Variants in TRMT9B observed in about 807,000 individuals in gnomAD.
The protein encoded by TRMT9B is probable tRNA methyltransferase 9B.
A neutral mutation model predicts 11.5 loss-of-function variants in TRMT9B; 16 were observed. The observed-to-expected ratio is 1.39, with a 90% CI of 0.94 to 2.11. The LOEUF is 2.11. TRMT9B is among the 30% of genes most tolerant of loss of function. The pLI is 0.00. For synonymous variants in TRMT9B, 274 were observed against 192.4 expected, an observed-to-expected ratio of 1.42 and a Z score of -3.51; for missense variants, 941 against 553.8, an observed-to-expected ratio of 1.70 and a Z score of -7.02.
intron 4 of TRMT9B, among the ~76,000 whole-genome samples, chr8:13,013,418 A>AACC (rs1812027502): frequency 6.6e-6 from 1 of 152,102 alleles, no homozygotes; most frequent in African/African-American, 2.4e-5. Context: ...GAGTCTAGGG[A>AACC]ATGTGTTTCT....
chr8:13,010,517 T>C lies in TRMT9B; in HGVS notation c.155-2167T>C, dbSNP rs532574422. On this transcript the variant is annotated intron_variant, in intron 3 of 4. Transcript: ENST00000524591. ...TTAAAAAATATTTAAAATTCTTTTA[T>C]TGTTCACATTCAAGATTTAAACATG... 6.7e-5 allele frequency: 66 copies of C among 983,668 alleles called. No homozygotes were observed. The South Asian group carries it at 2.6e-3, about 39-fold the overall frequency. 60.9% of individuals were successfully genotyped at this position (983,668 alleles called of 1,614,324 possible). A position where few individuals can be genotyped will look rare whatever the true frequency, so the allele number is the denominator to read the frequency against.
intron 1 of TRMT9B, among the ~76,000 whole-genome samples, chr8:12,967,294 C>A (rs1320212095): frequency 1.3e-5 from 2 of 152,172 alleles, no homozygotes; most frequent in Non-Finnish European, 2.9e-5. Flanking sequence ...GTTTTAGGAA[C>A]AAATGTATTT....
chr8:12,983,180 A>G (rs921707790), intron 1 of TRMT9B, among the ~76,000 whole-genome samples: 3 of 152,238 alleles, frequency 2.0e-5, no homozygotes, highest in African/African-American at 7.2e-5. Context: ...GATGATGAAG[A>G]TGACATTGTC....
At chr8:12,956,859 T>C (rs1224116896) in intron 1 of TRMT9B, among the ~76,000 whole-genome samples, 1 of 152,228 alleles carries the variant, frequency 6.6e-6, no homozygotes, top group Admixed American at 6.5e-5. Flanking sequence ...TTCCAAACTA[T>C]TGAAGTAGAT....
chr8:12,990,065 A>G (rs747997743), intron 1 of TRMT9B, among the ~76,000 whole-genome samples: 2 of 152,154 alleles, frequency 1.3e-5, no homozygotes, highest in Non-Finnish European at 2.9e-5. Flanking sequence ...GAAAACCCAC[A>G]CGCACCCTGC....
intron 2 of TRMT9B, among the ~76,000 whole-genome samples, chr8:13,001,809 A>G (rs1410515636): frequency 2.0e-5 from 3 of 152,270 alleles, no homozygotes; most frequent in African/African-American, 7.2e-5. Context: ...CTGACTTTTT[A>G]TGTGGATTAT....
intron 2 of TRMT9B, among the ~76,000 whole-genome samples, chr8:12,991,878 C>T (rs1335131829): frequency 6.6e-6 from 1 of 152,110 alleles, no homozygotes; most frequent in Non-Finnish European, 1.5e-5. Context: ...TTGCAGCAAG[C>T]CGAGATTGCG....
At chr8:12,987,832 C>T (rs144419423) in intron 1 of TRMT9B, among the ~76,000 whole-genome samples, 1 of 152,314 alleles carries the variant, frequency 6.6e-6, no homozygotes, top group Middle Eastern at 3.4e-3. Context: ...ACTGTCAAAT[C>T]TCAGTTGTCT....
chr8:12,982,805 C>T (rs1050046735), intron 1 of TRMT9B, among the ~76,000 whole-genome samples: 2 of 152,140 alleles, frequency 1.3e-5, no homozygotes, highest in South Asian at 2.1e-4. Flanking sequence ...GTGGAAGTCA[C>T]GCCTGACTTC....
intron 1 of TRMT9B, among the ~76,000 whole-genome samples, chr8:12,973,750 C>G (rs1803988999): frequency 6.6e-6 from 1 of 152,144 alleles, no homozygotes; most frequent in African/African-American, 2.4e-5. Context: ...TAAGCGTCTG[C>G]ACAGAGCCAG....
intron 1 of TRMT9B, among the ~76,000 whole-genome samples, chr8:12,962,384 A>C (rs1001448346): frequency 2.6e-5 from 4 of 152,232 alleles, no homozygotes; most frequent in African/African-American, 9.6e-5. Context: ...TAGTTTGTCT[A>C]CTTGTTAAAA....
chr8:12,977,588 C>G (rs1390882033), intron 1 of TRMT9B, among the ~76,000 whole-genome samples: 1 of 152,134 alleles, frequency 6.6e-6, no homozygotes, highest in African/African-American at 2.4e-5. Context: ...ATAATCCCAG[C>G]TACTTGGGAG....
chr8:13,003,902 G>C (rs1242825242), intron 2 of TRMT9B, among the ~76,000 whole-genome samples: 3 of 150,954 alleles, frequency 2.0e-5, no homozygotes, highest in Non-Finnish European at 4.4e-5. Context: ...GCACAGAAGA[G>C]GGTGAGCAAG....
chr8:12,958,039 G>A (rs1336438941), intron 1 of TRMT9B, among the ~76,000 whole-genome samples: 1 of 152,264 alleles, frequency 6.6e-6, no homozygotes, highest in East Asian at 1.9e-4. Flanking sequence ...TCACCCGGCT[G>A]ATAAAGACAT....
intron 1 of TRMT9B, among the ~76,000 whole-genome samples, chr8:12,984,346 G>C (rs1233493348): frequency 2.0e-5 from 3 of 152,268 alleles, no homozygotes; most frequent in East Asian, 3.9e-4. Context: ...GTGCCTCTTT[G>C]GGAGCAATTG....
intron 1 of TRMT9B, among the ~76,000 whole-genome samples, chr8:12,948,333 A>C (rs1396814159): frequency 1.3e-5 from 2 of 151,318 alleles, no homozygotes; most frequent in African/African-American, 4.8e-5. Context: ...ACTTCTTGTG[A>C]ATATGCATTG....
chr8:12,950,671 T>C (rs758347117), intron 1 of TRMT9B, among the ~76,000 whole-genome samples: 1 of 152,086 alleles, frequency 6.6e-6, no homozygotes, highest in Non-Finnish European at 1.5e-5. Context: ...CCCCACCCAA[T>C]ATACTGTGGC....
chr8:13,022,779 C>T lies in TRMT9B; in HGVS notation c.*735C>T, dbSNP rs181102857. On this transcript the variant is annotated 3_prime_UTR_variant, in exon 5 of 5. Transcript: ENST00000524591. ...GGCCAAGGCAGAAGGATCACTTGAA[C>T]CCAGGAGTTCAAGAATAGCCTGGGC... 1.8e-5 allele frequency: 3 copies of T among 166,366 alleles called. No homozygotes were observed. The highest frequency in any genetic ancestry group is 7.2e-5 in the African/African-American group (3 of 41,546). The allele number at this position is 166,366 out of a possible 1,614,324, so 10.3% of individuals were successfully genotyped here.
chr8:12,981,138 A>C (rs1563353399), intron 1 of TRMT9B, among the ~76,000 whole-genome samples: 1 of 152,262 alleles, frequency 6.6e-6, no homozygotes, highest in East Asian at 1.9e-4. Context: ...ACATTGATTT[A>C]GAAAAGGAGC....
Sources: allele counts gnomAD v4.1 joint callset (sites outside exome capture counted in the v4.1 genomes callset), GRCh38; gene constraint gnomAD v4.1.1; transcripts MANE v1.5; gene names NCBI Gene and HGNC (gene_info 2026-07-23, HGNC 2026-07-21).